The following DOCK9 variants were observed in gnomAD, a reference collection of about 807,000 sequenced individuals.
The protein encoded by DOCK9 is dedicator of cytokinesis protein 9.
A neutral mutation model predicts 263.3 loss-of-function variants in DOCK9; 89 were observed. The ratio of observed to expected loss-of-function variants is 0.34; its 90% CI spans 0.28 to 0.40. DOCK9 has a LOEUF of 0.40. DOCK9 is among the 10% of genes least tolerant of loss of function. DOCK9 has a pLI of 1.00. For missense variants in DOCK9, 2,140 were observed against 2,603.4 expected, an observed-to-expected ratio of 0.82 and a Z score of 3.87; for synonymous variants, 976 against 973.1, an observed-to-expected ratio of 1.00 and a Z score of -0.06.
chr13:98,910,000 TCTC>T (rs1368865496), intron 9 of DOCK9, among the ~76,000 whole-genome samples: 1 of 152,192 alleles, frequency 6.6e-6, no homozygotes, highest in East Asian at 1.9e-4. Context: ...AAATTCTACT[TCTC>T]TTTCAGAACC....
intron 1 of DOCK9, among the ~76,000 whole-genome samples, chr13:99,045,799 A>C (rs1211866153): frequency 2.0e-5 from 3 of 151,472 alleles, no homozygotes; most frequent in Non-Finnish European, 4.4e-5. Flanking sequence ...AAAACAAAAC[A>C]AAAAAAACAG....
At chr13:98,814,422 T>TTTTTTG (rs2091617826) in intron 45 of DOCK9, among the ~76,000 whole-genome samples, 1 of 151,514 alleles carries the variant, frequency 6.6e-6, no homozygotes, top group Non-Finnish European at 1.5e-5. Flanking sequence ...TTTTTTTTTT[T>TTTTTTG]GAGACAAGAG....
intron 1 of DOCK9, among the ~76,000 whole-genome samples, chr13:99,010,611 T>C (rs932895180): frequency 6.6e-6 from 1 of 152,236 alleles, no homozygotes; most frequent in Non-Finnish European, 1.5e-5. Context: ...CACTCAGGAA[T>C]AAGATCTTCC....
chr13:98,941,828 T>A (rs977554500), intron 2 of DOCK9, among the ~76,000 whole-genome samples: 2 of 152,160 alleles, frequency 1.3e-5, no homozygotes, highest in African/African-American at 4.8e-5. Context: ...GAGGCTGTAA[T>A]AAGCTCCCTA....
intron 48 of DOCK9, 108 bp from the exon 49 acceptor site, chr13:98,805,317 A>C: frequency 1.0e-6 from 1 of 983,688 alleles, no homozygotes; most frequent in Admixed American, 2.1e-5. Context: ...AACGGAGAGA[A>C]GAGTACAACA....
intron 50 of DOCK9, 97 bp from the exon 51 acceptor site, chr13:98,797,586 G>A (rs1348492373): frequency 1.3e-5 from 13 of 1,035,816 alleles, no homozygotes; most frequent in East Asian, 7.8e-5. Context: ...GCCCGTTCGC[G>A]TGAGCTACTC....
At chr13:98,801,878 T>C (rs1348681690) in intron 49 of DOCK9, among the ~76,000 whole-genome samples, 1 of 152,234 alleles carries the variant, frequency 6.6e-6, no homozygotes, top group African/African-American at 2.4e-5. Flanking sequence ...ATGTCCACCC[T>C]GAGGCAACCT....
intron 1 of DOCK9, chr13:99,015,407 A>G (rs756970402): frequency 1.3e-6 from 2 of 1,485,652 alleles, no homozygotes; most frequent in African/African-American, 1.4e-5. Context: ...TTATTCTAAC[A>G]CCATTAAACT....
At chr13:99,016,262 C>CA (rs1885399153) in intron 1 of DOCK9, among the ~76,000 whole-genome samples, 1 of 152,298 alleles carries the variant, frequency 6.6e-6, no homozygotes, top group Admixed American at 6.5e-5. Flanking sequence ...GAAACACATG[C>CA]AAGCCCACTT....
chr13:98,903,075 G>A lies in DOCK9; in HGVS notation c.1073C>T (p.Ser358Leu). ...DFSSAEPEVKSFEEKFGKRIL... is the reference protein window; with the variant it reads ...DFSSAEPEVKLFEEKFGKRIL... ...CCTTTTTCCAAACTTCTCTTCAAAT[G>A]ACTTCACTTCTGGCTCAGCTGATGA... Residue 358 changes from serine (S) to leucine (L), a missense_variant, in exon 11 of 53, where the codon TCA becomes TTA. Ser to Leu is a moderately radical substitution (Grantham distance 145). This residue lies in a region of DOCK9 where 1,521 missense variants were observed against 1,741.7 expected (regional missense o/e 0.87). Transcript: ENST00000682017. The A allele has an allele frequency of 6.5e-7, 1 of 1,532,882 alleles. No individual in the cohort carries two copies. Among genetic ancestry groups the A allele is most frequent in the Non-Finnish European group, 8.8e-7 (1 of 1,140,510 alleles). 95.0% of individuals were successfully genotyped at this position (1,532,882 alleles called of 1,614,324 possible). A position where few individuals can be genotyped will look rare whatever the true frequency, so the allele number is the denominator to read the frequency against.
intron 27 of DOCK9, among the ~76,000 whole-genome samples, chr13:98,879,186 T>C (rs755529437): frequency 6.6e-6 from 1 of 152,180 alleles, no homozygotes; most frequent in Admixed American, 6.5e-5. Context: ...TCAGAGAGCC[T>C]GAGGTGGCCA....
chr13:98,993,076 G>GC (rs1353685276), intron 1 of DOCK9, among the ~76,000 whole-genome samples: 1 of 152,226 alleles, frequency 6.6e-6, no homozygotes, highest in East Asian at 1.9e-4. Flanking sequence ...AATGAAGACA[G>GC]CTGCAGTCTT....
intron 25 of DOCK9, 78 bp from the exon 26 acceptor site, chr13:98,880,750 G>A (rs2044616111): frequency 6.5e-7 from 1 of 1,534,186 alleles, no homozygotes; most frequent in Non-Finnish European, 8.9e-7. Flanking sequence ...TCCCAAGAAT[G>A]GAGATCAGGG....
chr13:98,863,519 C>T lies in DOCK9; in HGVS notation c.3316G>A (p.Glu1106Lys). Reference protein sequence around the residue: ...DLQLDYSLTDEFCRNHFLVGL... With the variant: ...DLQLDYSLTDKFCRNHFLVGL... Reference sequence around the variant, plus strand: ...ACCAAGAAGTGGTTTCTGCAGAACTCATCTGTTAATGAGTAGTCAAGCTGG... The same window carrying T: ...ACCAAGAAGTGGTTTCTGCAGAACTTATCTGTTAATGAGTAGTCAAGCTGG... The change falls in exon 31 of 53, where the codon GAG becomes AAG. Residue 1106 changes from glutamate to lysine, a missense_variant. By Grantham distance (56) the Glu-to-Lys change is moderately conservative. Coordinates refer to ENST00000682017, the MANE Select transcript of DOCK9 (RefSeq NM_001366683.2). 6.2e-7 allele frequency: 1 copy of T among 1,613,406 alleles called. No homozygotes were observed. The highest frequency in any genetic ancestry group is 8.5e-7 in the Non-Finnish European group (1 of 1,179,658).
Position 98,794,647 on chromosome 13 carries a change from G to T in DOCK9, c.6258C>A (p.Thr2086=), listed in dbSNP as rs554564990. The part of the protein sequence containing the change: ...TPTSTMVHGM[T]SSSSVV ...GTAATCACACGACCGAAGACGAGCT[G>T]GTCATCCCGTGAACCATTGTGCTTG... Residue 2086 remains threonine, a synonymous_variant, in exon 53 of 53, where the codon ACC becomes ACA. Transcript: ENST00000682017. 8.1e-6 allele frequency: 13 copies of T among 1,609,876 alleles called. No homozygotes were observed. The South Asian group carries it at 1.0e-4, about 12-fold the overall frequency.
At chr13:98,943,805 A>G (rs1257926323) in intron 2 of DOCK9, among the ~76,000 whole-genome samples, 4 of 152,012 alleles carry the variant, frequency 2.6e-5, no homozygotes, top group Admixed American at 6.6e-5. Context: ...TATTTAGGGG[A>G]AAAAAAGCAG....
At chr13:98,965,257 G>A (rs1007839464) in intron 1 of DOCK9, among the ~76,000 whole-genome samples, 38 of 152,150 alleles carry the variant, frequency 2.5e-4, no homozygotes, top group African/African-American at 9.2e-4. Context: ...TCACAGACAT[G>A]CTCTTCTGTC....
chr13:98,993,723 A>T (rs1880355013), intron 1 of DOCK9, among the ~76,000 whole-genome samples: 1 of 152,266 alleles, frequency 6.6e-6, no homozygotes, highest in Non-Finnish European at 1.5e-5. Context: ...CATGGGTGAC[A>T]GAGCGAGACT....
At chr13:98,949,845 G>C in intron 2 of DOCK9, 1 of 481,496 alleles carries the variant, frequency 2.1e-6, no homozygotes, top group Admixed American at 2.2e-5. Flanking sequence ...CAAGACCCAT[G>C]AGATCTCCTG....
Sources: gnomAD v4.1 joint callset for allele counts (sites outside exome capture counted in the v4.1 genomes callset) on GRCh38, gnomAD v4.1.1 for gene constraint, gnomAD v4.1.1 regional missense constraint, MANE v1.5 for transcripts, NCBI Gene and HGNC (gene_info 2026-07-23, HGNC 2026-07-21) for gene names.